The following LHX4 variants were observed in gnomAD, a reference collection of about 807,000 sequenced individuals.
The protein encoded by LHX4 is LIM/homeobox protein Lhx4.
A neutral mutation model predicts 39.2 loss-of-function variants in LHX4; 16 were observed. The observed-to-expected ratio is 0.41, with a 90% CI of 0.28 to 0.62. The LOEUF (loss-of-function observed/expected upper bound fraction) is 0.62, where lower values mean the gene tolerates loss of function less well. Ranked by LOEUF, LHX4 falls within the 20% of genes least tolerant of loss-of-function variation. LHX4 has a pLI of 0.33. For synonymous variants in LHX4, 206 were observed against 198.1 expected, an observed-to-expected ratio of 1.04 and a Z score of -0.33; for missense variants, 439 against 511.9, an observed-to-expected ratio of 0.86 and a Z score of 1.37.
At chr1:180,244,612 C>T (rs1647315379) in intron 1 of LHX4, among the ~76,000 whole-genome samples, 1 of 152,218 alleles carries the variant, frequency 6.6e-6, no homozygotes, top group Non-Finnish European at 1.5e-5. Flanking sequence ...TATATCCTCA[C>T]CCTCATCCCA....
chr1:180,263,670 G>A (rs1033485682), intron 2 of LHX4, among the ~76,000 whole-genome samples: 2 of 152,200 alleles, frequency 1.3e-5, no homozygotes, highest in African/African-American at 4.8e-5. Flanking sequence ...TTGTGCACTT[G>A]CCACCCTCAT....
chr1:180,258,481 G>A (rs1014520485), intron 2 of LHX4, among the ~76,000 whole-genome samples: 1 of 152,214 alleles, frequency 6.6e-6, no homozygotes, highest in African/African-American at 2.4e-5. Context: ...AGGGGAGGGC[G>A]AGGGTGTGAC....
rs146970858 is a variant in LHX4, at chr1:180,274,261, A to C, written c.855A>C (p.Leu285Phe). 53 of 1,614,128 alleles carry C rather than the reference A, an allele frequency of 3.3e-5. No homozygotes were observed. The highest frequency in any genetic ancestry group is 4.2e-5 in the Non-Finnish European group (50 of 1,180,056). The change falls in exon 6 of 6, where the codon TTA becomes TTC. Residue 285 changes from leucine (L) to phenylalanine (F), a missense_variant. Physicochemically the swap from Leu to Phe is conservative, Grantham distance 22. Transcript: ENST00000263726. Reference sequence around the variant, plus strand: ...TGGGGGACGTTACAGGCGGACAGTTAATGAATGGGAGCTTCTCCATGGACG... The same window carrying C: ...TGGGGGACGTTACAGGCGGACAGTTCATGAATGGGAGCTTCTCCATGGACG... ...GNVGDVTGGQ[L>F]MNGSFSMDGT...
chr1:180,246,577 G>A (rs1305579732), intron 1 of LHX4, among the ~76,000 whole-genome samples: 2 of 152,178 alleles, frequency 1.3e-5, no homozygotes, highest in Non-Finnish European at 2.9e-5. Flanking sequence ...CGGGTGTGGT[G>A]GTATGCGCCT....
At chr1:180,229,953 CGG>C (rs2149250026), upstream of LHX4, among the ~76,000 whole-genome samples, 1 of 30,234 alleles carries the variant, frequency 3.3e-5, no homozygotes, top group African/African-American at 3.2e-4. Flanking sequence ...GAGGCGGAGG[CGG>C]AGGCGGGGAG....
chr1:180,240,306 T>C (rs1664417650), intron 1 of LHX4, among the ~76,000 whole-genome samples: 1 of 152,192 alleles, frequency 6.6e-6, no homozygotes. Flanking sequence ...AGTGCTGGGA[T>C]TACAGGTGTG....
Position 180,230,674 on chromosome 1 carries a change from C to G in LHX4, c.76+69C>G, listed in dbSNP as rs369273178. ...GCTAGCAGCCTCAGCCGCTGCGGGG[C>G]GGGCCGGACGCCGCTCAGGGGCCGG... is the stretch of plus-strand genomic sequence containing the variant. On this transcript the variant is annotated intron_variant, in intron 1 of 5. Transcript: ENST00000263726. This position sits in a 1 kb window ranked among gnomAD's most constrained non-coding sequence, Gnocchi z 5.8. 6.8e-7 allele frequency: 1 copy of G among 1,462,974 alleles called. No individual in the cohort carries two copies. Among genetic ancestry groups the G allele is most frequent in the African/African-American group, 1.4e-5 (1 of 71,902 alleles). The allele number at this position is 1,462,974 out of a possible 1,614,324, so 90.6% of individuals were successfully genotyped here. A position where few individuals can be genotyped will look rare whatever the true frequency, so the allele number is the denominator to read the frequency against.
rs781000044 is a variant in LHX4, at chr1:180,266,628, A to AT, written c.451+34_451+35insT. 1 of 1,604,858 alleles carries AT rather than the reference A, an allele frequency of 6.2e-7. No individual in the cohort carries two copies. Among genetic ancestry groups the AT allele is most frequent in the Non-Finnish European group, 8.5e-7 (1 of 1,174,336 alleles). On this transcript the variant is annotated intron_variant, in intron 3 of 5. Transcript: ENST00000263726. This position sits in a 1 kb window ranked among gnomAD's most constrained non-coding sequence, Gnocchi z 5.7. ...CATGGCCCCGCATGGTCCCCTCTCC[A>AT]GGCCTTTGTTTGGGCCACGCCCTCT...
chr1:180,257,191 T>C (rs550855924), intron 2 of LHX4, among the ~76,000 whole-genome samples: 7 of 152,172 alleles, frequency 4.6e-5, no homozygotes, highest in Non-Finnish European at 5.9e-5. Flanking sequence ...AGCTGTGTGA[T>C]CTTGGGCAAG....
At chr1:180,258,702 G>A (rs1558217124) in intron 2 of LHX4, among the ~76,000 whole-genome samples, 1 of 152,170 alleles carries the variant, frequency 6.6e-6, no homozygotes, top group Non-Finnish European at 1.5e-5. Flanking sequence ...TACGCAGGAG[G>A]CTGAGGCGGG....
chr1:180,271,957 G>A lies in LHX4; in HGVS notation c.729G>A (p.Glu243=), dbSNP rs552368405. Residue 243 remains glutamate, a synonymous_variant, in exon 5 of 6, where the codon GAG becomes GAA. Transcript: ENST00000263726. ...GGGGCAGCAGCAAGCAGGAGAAGGA[G>A]AGCTCTGCAGAGGACTGTGGGGTTA... The part of the protein sequence containing the change: ...RSRGSSKQEK[E]SSAEDCGVSD... The A allele has an allele frequency of 1.9e-6, 3 of 1,613,322 alleles. No homozygotes were observed. The highest frequency in any genetic ancestry group is 1.7e-5 in the Admixed American group (1 of 59,938).
intron 2 of LHX4, among the ~76,000 whole-genome samples, chr1:180,256,270 G>A (rs1299645619): frequency 6.6e-6 from 1 of 152,212 alleles, no homozygotes; most frequent in Non-Finnish European, 1.5e-5. Context: ...TCCTGGCTGG[G>A]CATTCAAGGG....
intron 4 of LHX4, 91 bp from the exon 5 acceptor site, chr1:180,271,744 G>A (rs1449380098): frequency 8.9e-6 from 13 of 1,468,530 alleles, no homozygotes; most frequent in Non-Finnish European, 1.1e-5. Flanking sequence ...TCAGGCTTCA[G>A]TCTGCTTCCA....
intron 2 of LHX4, among the ~76,000 whole-genome samples, chr1:180,263,815 C>T (rs1266385165): frequency 6.6e-6 from 1 of 152,156 alleles, no homozygotes; most frequent in African/African-American, 2.4e-5. Flanking sequence ...AGTGTGGCCC[C>T]TGTGGAGGAG....
In LHX4 at chr1:180,232,238, T is replaced by G. The variant is rs1664200763; in HGVS notation, c.76+1633T>G. Among the ~76,000 whole-genome samples the G allele has an allele frequency of 6.6e-6, 1 of 152,164 alleles. No homozygotes were observed. The highest frequency in any genetic ancestry group is 1.5e-5 in the Non-Finnish European group (1 of 68,018). On this transcript the variant is annotated intron_variant, in intron 1 of 5. Coordinates refer to ENST00000263726, the MANE Select transcript of LHX4 (RefSeq NM_033343.4). The surrounding 1 kb of genome is among the most constrained non-coding windows in gnomAD (Gnocchi z 5.4). ...GGGTGTGTGTGTGTTACTAGTGTCCTTGGTACCCAGTACGTCTGTGCTTTC... is the reference window on the plus strand; with the variant it reads ...GGGTGTGTGTGTGTTACTAGTGTCCGTGGTACCCAGTACGTCTGTGCTTTC...
chr1:180,242,428 A>G (rs987111023), intron 1 of LHX4, among the ~76,000 whole-genome samples: 4 of 151,926 alleles, frequency 2.6e-5, no homozygotes, highest in Non-Finnish European at 4.4e-5. Flanking sequence ...CTGTATGTGT[A>G]TGTACGTGTC....
intron 2 of LHX4, chr1:180,248,776 AG>A (rs1647485485): frequency 2.5e-6 from 1 of 404,190 alleles, no homozygotes; most frequent in African/African-American, 2.0e-5. Context: ...AAAGAGCAAC[AG>A]AAAGAGTTGC....
chr1:180,248,586 G>A (rs1057252180), intron 2 of LHX4, 130 bp downstream of exon 2: 1 of 932,690 alleles, frequency 1.1e-6, no homozygotes, highest in African/African-American at 1.6e-5. Context: ...GGTAAATCCT[G>A]GAGCTGAGAG....
At position 180,230,404 on chromosome 1, in the gene LHX4, C is replaced by T. The variant is rs1013855406; in HGVS notation, c.-126C>T. The T allele has an allele frequency of 2.5e-6, 2 of 808,148 alleles. No individual in the cohort carries two copies. Among genetic ancestry groups the T allele is most frequent in the African/African-American group, 1.7e-5 (1 of 58,876 alleles). The allele number at this position is 808,148 out of a possible 1,614,324, so 50.1% of individuals were successfully genotyped here. On this transcript the variant is annotated 5_prime_UTR_variant, in exon 1 of 6. Coordinates refer to ENST00000263726, the MANE Select transcript of LHX4 (RefSeq NM_033343.4). The surrounding 1 kb of genome is among the most constrained non-coding windows in gnomAD (Gnocchi z 5.8). ...AGTCCTCCCTGAGAAGCGGAGGGCC[C>T]GGCTTCCACCGTGACTCCAGCGGCC...
Sources: gnomAD v4.1 joint callset for allele counts (sites outside exome capture counted in the v4.1 genomes callset) on GRCh38, gnomAD v4.1.1 for gene constraint, Gnocchi (gnomAD v3.1) non-coding constraint, MANE v1.5 for transcripts, NCBI Gene and HGNC (gene_info 2026-07-23, HGNC 2026-07-21) for gene names.